EGFR: variants seen among roughly 807,000 people sequenced by gnomAD.
EGFR encodes the protein epidermal growth factor receptor, also known as avian erythroblastic leukemia viral (v-erb-b) oncogene homolog.
In EGFR, 58 loss-of-function variants were observed where a neutral mutation model predicts 143.0. That is an observed-to-expected ratio of 0.41 (90% confidence interval 0.33 to 0.50). The LOEUF (loss-of-function observed/expected upper bound fraction) is 0.50. EGFR is among the 20% of genes least tolerant of loss of function. The pLI is 0.39. For missense variants in EGFR, 1,307 were observed against 1,579.0 expected (o/e 0.83, Z 2.92); for synonymous variants, 613 against 594.4 (o/e 1.03, Z -0.45).
chr7:55,168,336 C>A (rs757612487), intron 15 of EGFR, among the ~76,000 whole-genome samples: 14 of 152,326 alleles, frequency 9.2e-5, no homozygotes, highest in Non-Finnish European at 1.9e-4. Flanking sequence ...ATATCAGTAT[C>A]TCTGTGTCAG....
chr7:55,061,639 T>TGTGC (rs1562680165), intron 1 of EGFR, among the ~76,000 whole-genome samples: 1 of 138,838 alleles, frequency 7.2e-6, no homozygotes, highest in African/African-American at 2.7e-5. Context: ...TGTGTGTGTG[T>TGTGC]GTGTGTGTGT....
rs771085105 is a variant in EGFR at position 55,201,229 on chromosome 7, C to T, written c.2988C>T (p.Asn996=). Residue 996 remains asparagine (N), a synonymous_variant, in exon 25 of 28, where the codon AAC becomes AAT. Coordinates refer to ENST00000275493, the MANE Select transcript of EGFR (RefSeq NM_005228.5). ...ATTTGCCAAGTCCTACAGACTCCAA[C>T]TTCTACCGTGCCCTGATGGATGAAG... The part of the protein sequence containing the change: ...RMHLPSPTDS[N]FYRALMDEED... 6.2e-7 allele frequency: 1 copy of T among 1,614,184 alleles called. No homozygotes were observed. Among genetic ancestry groups the T allele is most frequent in the East Asian group, 2.2e-5 (1 of 44,870 alleles).
At chr7:55,075,623 C>T (rs1790093321) in intron 1 of EGFR, among the ~76,000 whole-genome samples, 1 of 152,092 alleles carries the variant, frequency 6.6e-6, no homozygotes, top group South Asian at 2.1e-4. Context: ...ACCCAAAGCT[C>T]GAGTTCCTGT....
rs1480173156 is a variant in EGFR at position 55,205,559 on chromosome 7, C to G, written c.3575C>G (p.Ala1192Gly). The change falls in exon 28 of 28, where the codon GCT becomes GGT. Residue 1192 changes from alanine to glycine, a missense_variant. Ala to Gly is a moderately conservative substitution (Grantham distance 60). Around this residue, in one of 7 missense-constraint regions of EGFR, gnomAD observed 313 missense variants for 312.3 expected, o/e 1.00. Transcript: ENST00000275493. ...KPNGIFKGST[A>G]ENAEYLRVAP... ...AATGGCATCTTTAAGGGCTCCACAG[C>G]TGAAAATGCAGAATACCTAAGGGTC... 6.2e-7 allele frequency: 1 copy of G among 1,614,194 alleles called. No individual in the cohort carries two copies. The highest frequency in any genetic ancestry group is 8.5e-7 in the Non-Finnish European group (1 of 1,180,036).
At chr7:55,028,334 T>C (rs1787053772) in intron 1 of EGFR, among the ~76,000 whole-genome samples, 1 of 152,152 alleles carries the variant, frequency 6.6e-6, no homozygotes, top group Admixed American at 6.5e-5. Flanking sequence ...AAACTGTGCA[T>C]GTTTTAGTGT....
At chr7:55,152,346 C>T in intron 5 of EGFR, 200 bp from the exon 6 acceptor site, 1 of 758,852 alleles carries the variant, frequency 1.3e-6, no homozygotes, top group East Asian at 2.5e-5. Flanking sequence ...CATGAGTTCT[C>T]TTAAGTGATT....
chr7:55,131,008 A>T lies in EGFR; in HGVS notation c.89-11278A>T, dbSNP rs373763773. Among the ~76,000 whole-genome samples, 5 of 152,334 alleles carry T rather than the reference A, an allele frequency of 3.3e-5. No homozygotes were observed. In the South Asian group the frequency reaches 6.2e-4, roughly 19 times the overall value. On this transcript the variant is annotated intron_variant, in intron 1 of 27. Transcript: ENST00000275493. ...GGGATTCCTCCTGTGCAACCCCTCTAGTCTCACTCAGACTCAAGTCTGACT... is the reference window on the plus strand; with the variant it reads ...GGGATTCCTCCTGTGCAACCCCTCTTGTCTCACTCAGACTCAAGTCTGACT...
rs756670210 is a variant in EGFR, at chr7:55,160,355, T to C, written c.1498+17T>C. 2.5e-6 allele frequency: 4 copies of C among 1,611,506 alleles called. No individual in the cohort carries two copies. In the South Asian group the frequency reaches 4.4e-5, roughly 18 times the overall value. The stretch of plus-strand genomic sequence containing the variant: ...ACAGCTGCAGTAAGTCACCGCTTTC[T>C]GTTTAGTTTATGGAGTTGGTTCTAA... On this transcript the variant is annotated intron_variant, in intron 12 of 27. Coordinates refer to ENST00000275493, the MANE Select transcript of EGFR (RefSeq NM_005228.5).
Position 55,173,005 on chromosome 7 carries a change from A to AC in EGFR, c.1943dup (p.Gly649TrpfsTer63). Reference sequence around the variant, plus strand: ...CAGGCCTAAGATCCCGTCCATCGCCACTGGGATGGTGGGGGCCCTCCTCTT... The same window carrying AC: ...CAGGCCTAAGATCCCGTCCATCGCCACCTGGGATGGTGGGGGCCCTCCTCTT... On this transcript the variant is annotated frameshift_variant, in exon 17 of 28. Transcript: ENST00000275493. LOFTEE classifies it high-confidence loss of function. The AC allele has an allele frequency of 6.2e-7, 1 of 1,614,150 alleles. No individual in the cohort carries two copies. Among genetic ancestry groups the AC allele is most frequent in the Non-Finnish European group, 8.5e-7 (1 of 1,180,036 alleles).
Position 55,173,096 on chromosome 7 carries a change from C to CGCT in EGFR, c.2036_2038dup (p.Leu679dup). 6.2e-7 allele frequency: 1 copy of CGCT among 1,612,162 alleles called. No individual in the cohort carries two copies. Among genetic ancestry groups the CGCT allele is most frequent in the Non-Finnish European group, 8.5e-7 (1 of 1,180,016 alleles). ...AGGCGCCACATCGTTCGGAAGCGCA[C>CGCT]GCTGCGGAGGCTGCTGCAGGAGAGG... On this transcript the variant is annotated inframe_insertion, in exon 17 of 28. Coordinates refer to ENST00000275493, the MANE Select transcript of EGFR (RefSeq NM_005228.5).
chr7:55,210,541 C>T lies in EGFR; in HGVS notation c.*4924C>T, dbSNP rs1011886659. The T allele has an allele frequency of 6.6e-6, 1 of 152,170 alleles. No individual in the cohort carries two copies. The highest frequency in any genetic ancestry group is 2.4e-5 in the African/African-American group (1 of 41,438). The allele number at this position is 152,170 out of a possible 1,614,324, so 9.4% of individuals were successfully genotyped here. A position where few individuals can be genotyped will look rare whatever the true frequency, so the allele number is the denominator to read the frequency against. ...TGCGGCCAAAGTTGAGAACTACTGGCCTAGGGATTAGCCACAAGGACATGG... is the reference window on the plus strand; with the variant it reads ...TGCGGCCAAAGTTGAGAACTACTGGTCTAGGGATTAGCCACAAGGACATGG... On this transcript the variant is annotated 3_prime_UTR_variant, in exon 28 of 28. Transcript: ENST00000275493.
At chr7:55,038,850 A>G (rs1432555312) in intron 1 of EGFR, among the ~76,000 whole-genome samples, 1 of 151,906 alleles carries the variant, frequency 6.6e-6, no homozygotes, top group African/African-American at 2.4e-5. Flanking sequence ...GCTGTTTTGT[A>G]TGTATCCACA....
At position 55,155,957 on chromosome 7, in the gene EGFR, C is replaced by G. The variant is rs1175002791; in HGVS notation, c.1006+11C>G. On this transcript the variant is annotated intron_variant, in intron 8 of 27. Transcript: ENST00000275493. Reference sequence around the variant, plus strand: ...GGCCTTGCCGCAAAGGTAGGAAGCCCGCCGGTGTGCGGACGAGGCTTGTTC... The same window carrying G: ...GGCCTTGCCGCAAAGGTAGGAAGCCGGCCGGTGTGCGGACGAGGCTTGTTC... 1 of 1,601,688 alleles carries G rather than the reference C, an allele frequency of 6.2e-7. No individual in the cohort carries two copies.
intron 1 of EGFR, among the ~76,000 whole-genome samples, chr7:55,138,822 G>A (rs1309976891): frequency 6.6e-6 from 1 of 152,186 alleles, no homozygotes. Context: ...TCATGGTTCT[G>A]GTGGCTGGGA....
At chr7:55,159,256 G>A (rs1024990368) in intron 11 of EGFR, among the ~76,000 whole-genome samples, 1 of 152,170 alleles carries the variant, frequency 6.6e-6, no homozygotes, top group Admixed American at 6.5e-5. Context: ...GGGGCTTAGT[G>A]GTTCTTATAC....
At chr7:55,021,005 G>C (rs1786536138) in intron 1 of EGFR, among the ~76,000 whole-genome samples, 1 of 152,082 alleles carries the variant, frequency 6.6e-6, no homozygotes, top group African/African-American at 2.4e-5. Context: ...CATGTGATCT[G>C]TTGGGCAGCC....
In EGFR at chr7:55,170,914, TAACA is replaced by T. The variant is rs972183740; in HGVS notation, c.1881-257_1881-254del. On this transcript the variant is annotated intron_variant, in intron 15 of 27. Transcript: ENST00000275493. ...AAAGCCAGATGTGAAAACATCTCAA[TAACA>T]AACTGGCTGCTTTGTTCAATGCTAG... 8.5e-6 allele frequency: 12 copies of T among 1,418,198 alleles called. 1 individual carries two copies. In the Admixed American group the frequency reaches 3.5e-4, roughly 41 times the overall value. 87.9% of individuals were successfully genotyped at this position (1,418,198 alleles called of 1,614,324 possible). A position where few individuals can be genotyped will look rare whatever the true frequency, so the allele number is the denominator to read the frequency against.
chr7:55,100,296 T>C (rs1791731105), intron 1 of EGFR, among the ~76,000 whole-genome samples: 1 of 152,226 alleles, frequency 6.6e-6, no homozygotes, highest in Non-Finnish European at 1.5e-5. Flanking sequence ...AAGGCCTCCT[T>C]GGGGACACCA....
intron 19 of EGFR, among the ~76,000 whole-genome samples, chr7:55,177,138 G>A (rs1204275596): frequency 6.6e-6 from 1 of 151,984 alleles, no homozygotes; most frequent in African/African-American, 2.4e-5. Flanking sequence ...TGCAGTCAGA[G>A]GGCGACAAGC....
Sources: gnomAD v4.1 joint callset for allele counts (sites outside exome capture counted in the v4.1 genomes callset) on GRCh38, gnomAD v4.1.1 for gene constraint, gnomAD v4.1.1 regional missense constraint, MANE v1.5 for transcripts, NCBI Gene and HGNC (gene_info 2026-07-23, HGNC 2026-07-21) for gene names.